The following FHL5 variants were observed in gnomAD, a reference collection of about 807,000 sequenced individuals.
The protein encoded by FHL5 is four and a half LIM domains 5.
In FHL5, 33 loss-of-function variants were observed where a neutral mutation model predicts 32.0. The observed-to-expected ratio is 1.03, with a 90% confidence interval of 0.78 to 1.38. The LOEUF is 1.38. Ranked by LOEUF, FHL5 falls within the 40% of genes most tolerant of loss-of-function variation. FHL5 has a pLI of 0.00. For synonymous variants in FHL5, 114 were observed against 113.6 expected (o/e 1.00, Z -0.02); for missense variants, 336 against 343.9 (o/e 0.98, Z 0.18).
intron 5 of FHL5, among the ~76,000 whole-genome samples, chr6:96,611,218 C>G (rs1245788046): frequency 2.0e-5 from 3 of 152,154 alleles, no homozygotes; most frequent in Non-Finnish European, 4.4e-5. Flanking sequence ...ACATCTGAAG[C>G]TGTAATAATT....
intron 1 of FHL5, among the ~76,000 whole-genome samples, chr6:96,600,332 C>A (rs749010793): frequency 6.6e-6 from 1 of 152,172 alleles, no homozygotes; most frequent in African/African-American, 2.4e-5. Flanking sequence ...CCTTCTTCAT[C>A]CTTAATGTAC....
At chr6:96,571,431 G>A (rs1479409421) in intron 1 of FHL5, among the ~76,000 whole-genome samples, 1 of 152,180 alleles carries the variant, frequency 6.6e-6, no homozygotes, top group African/African-American at 2.4e-5. Context: ...CCCTTTTGGT[G>A]TCAAGTCTGA....
At chr6:96,578,305 A>C (rs1439674485) in intron 1 of FHL5, among the ~76,000 whole-genome samples, 2 of 152,328 alleles carry the variant, frequency 1.3e-5, no homozygotes, top group East Asian at 3.9e-4. Flanking sequence ...CTGATTGCAC[A>C]ATTAATTTAC....
Position 96,576,347 on chromosome 6 carries a change from T to C in FHL5, c.-13+12992T>C, listed in dbSNP as rs1582459854. 2.0e-5 allele frequency among the ~76,000 whole-genome samples: 3 copies of C among 152,226 alleles called. No individual in the cohort carries two copies. The East Asian group carries it at 5.8e-4, about 29-fold the overall frequency. On this transcript the variant is annotated intron_variant, in intron 1 of 5. Transcript: ENST00000450218. The stretch of plus-strand genomic sequence containing the variant: ...GCTGGCAAACATAGTATCTTCCCTG[T>C]CTTTTCTGTTGATCAGGAAACACAA...
At chr6:96,588,628 G>C (rs1770850090) in intron 1 of FHL5, among the ~76,000 whole-genome samples, 2 of 152,100 alleles carry the variant, frequency 1.3e-5, no homozygotes, top group Admixed American at 1.3e-4. Flanking sequence ...TTAAGAGTAG[G>C]TTGTGCTTTC....
chr6:96,603,826 G>C lies in FHL5; in HGVS notation c.159+54G>C. On this transcript the variant is annotated intron_variant, in intron 2 of 5. Coordinates refer to ENST00000450218, the MANE Select transcript of FHL5 (RefSeq NM_001322466.2). ...CTGCCTATGAACAGCAAACAAGTGG[G>C]TTGGAGTGCCTCTTTTCATTTAGTG... is the stretch of plus-strand genomic sequence containing the variant. The C allele has an allele frequency of 4.3e-6, 6 of 1,402,408 alleles. No homozygotes were observed. The South Asian group carries it at 6.3e-5, about 15-fold the overall frequency. The allele number at this position is 1,402,408 out of a possible 1,614,324, so 86.9% of individuals were successfully genotyped here. A position where few individuals can be genotyped will look rare whatever the true frequency, so the allele number is the denominator to read the frequency against.
chr6:96,615,477 C>T (rs1374673806), intron 5 of FHL5, 132 bp from the exon 6 acceptor site: 1 of 617,908 alleles, frequency 1.6e-6, no homozygotes, highest in Non-Finnish European at 2.5e-6. Flanking sequence ...AAGCAGCATT[C>T]TTTTTTGGGT....
intron 1 of FHL5, among the ~76,000 whole-genome samples, chr6:96,565,293 T>C (rs1398818116): frequency 2.0e-5 from 3 of 152,178 alleles, no homozygotes; most frequent in Non-Finnish European, 4.4e-5. Context: ...AGAGTCTCTT[T>C]GAAAACAATA....
intron 1 of FHL5, among the ~76,000 whole-genome samples, chr6:96,594,924 T>A (rs1037543937): frequency 4.6e-5 from 7 of 152,000 alleles, no homozygotes; most frequent in African/African-American, 1.7e-4. Flanking sequence ...AACTCTTTCC[T>A]CACTTAAATG....
At chr6:96,577,814 AT>A (rs920732557) in intron 1 of FHL5, among the ~76,000 whole-genome samples, 51 of 152,252 alleles carry the variant, frequency 3.3e-4, no homozygotes, top group African/African-American at 1.2e-3. Flanking sequence ...TAAAGCTGTC[AT>A]TTTAAACAAG....
chr6:96,586,451 G>A (rs1241513496), intron 1 of FHL5, among the ~76,000 whole-genome samples: 1 of 151,862 alleles, frequency 6.6e-6, no homozygotes, highest in Non-Finnish European at 1.5e-5. Flanking sequence ...ATCAGTTTGA[G>A]GAGTCTCTAT....
chr6:96,609,335 A>T (rs1353629229), intron 4 of FHL5, among the ~76,000 whole-genome samples: 4 of 152,192 alleles, frequency 2.6e-5, no homozygotes, highest in Non-Finnish European at 5.9e-5. Flanking sequence ...TTCAGTCATT[A>T]TAAAACACTT....
intron 5 of FHL5, among the ~76,000 whole-genome samples, chr6:96,613,421 C>T (rs574001795): frequency 6.6e-6 from 1 of 152,320 alleles, no homozygotes; most frequent in Non-Finnish European, 1.5e-5. Flanking sequence ...AATGAAGCTG[C>T]TTGATGCAGT....
rs546616729 is a variant in FHL5, at chr6:96,608,859, TTCTC to T, written c.505-1709_505-1706del. Among the ~76,000 whole-genome samples, 786 of 152,338 alleles carry T rather than the reference TTCTC, an allele frequency of 5.2e-3. 3 individuals carry two copies. Among genetic ancestry groups the T allele is most frequent in the Non-Finnish European group, 8.4e-3 (568 of 68,014 alleles). On this transcript the variant is annotated intron_variant, in intron 4 of 5. Coordinates refer to ENST00000450218, the MANE Select transcript of FHL5 (RefSeq NM_001322466.2). ...ACTATTTTTGATGTTCCAGAATTTC[TTCTC>T]TCTAATTAAACAGTCTTTGGTGTAT...
intron 1 of FHL5, among the ~76,000 whole-genome samples, chr6:96,602,422 G>GTTCCTTTTTTTTTTTTTTT (rs1562062425): frequency 3.8e-5 from 1 of 26,584 alleles, no homozygotes; most frequent in Admixed American, 5.3e-4. Flanking sequence ...TATATGCGTT[G>GTTCCTTTTTTTTTTTTTTT]TTTCTTTTTT....
chr6:96,596,211 G>C (rs1399285908), intron 1 of FHL5, among the ~76,000 whole-genome samples: 2 of 152,066 alleles, frequency 1.3e-5, no homozygotes, highest in African/African-American at 2.4e-5. Context: ...GGCTCCTTTA[G>C]AGAGTGTTAA....
At chr6:96,615,541 C>T in intron 5 of FHL5, 68 bp from the exon 6 acceptor site, 1 of 1,305,620 alleles carries the variant, frequency 7.7e-7, no homozygotes. Context: ...CCTAGAGGAG[C>T]ATCTGCTAGA....
At chr6:96,565,394 TA>T (rs1770334915) in intron 1 of FHL5, among the ~76,000 whole-genome samples, 1 of 152,172 alleles carries the variant, frequency 6.6e-6, no homozygotes, top group Non-Finnish European at 1.5e-5. Flanking sequence ...CTCCCTACCT[TA>T]AAGATATAAT....
At chr6:96,579,162 A>T (rs1218932172) in intron 1 of FHL5, among the ~76,000 whole-genome samples, 2 of 152,186 alleles carry the variant, frequency 1.3e-5, no homozygotes, top group Non-Finnish European at 2.9e-5. Context: ...TTTGGTACAA[A>T]ATTCCAAAGG....
Sources: gnomAD v4.1 joint callset for allele counts (sites outside exome capture counted in the v4.1 genomes callset) on GRCh38, gnomAD v4.1.1 for gene constraint, MANE v1.5 for transcripts, NCBI Gene and HGNC (gene_info 2026-07-23, HGNC 2026-07-21) for gene names.